TOGARAM1: variants seen among roughly 807,000 people sequenced by gnomAD.
TOGARAM1 encodes TOG array regulator of axonemal microtubules 1.
Under a neutral mutation model 166.6 loss-of-function variants are expected in TOGARAM1, and 100 were observed. The ratio of observed to expected loss-of-function variants is 0.60; its 90% CI spans 0.51 to 0.71. The LOEUF (loss-of-function observed/expected upper bound fraction) is 0.71, where lower values mean the gene tolerates loss of function less well. Ranked by LOEUF, TOGARAM1 falls within the 30% of genes least tolerant of loss-of-function variation. The pLI is 0.00. For missense variants in TOGARAM1, 2,029 were observed against 2,102.7 expected (o/e 0.96, Z 0.69); for synonymous variants, 758 against 763.8 (o/e 0.99, Z 0.13).
At chr14:44,979,297 G>A (rs1202689718) in intron 1 of TOGARAM1, among the ~76,000 whole-genome samples, 1 of 152,158 alleles carries the variant, frequency 6.6e-6, no homozygotes, top group Non-Finnish European at 1.5e-5. Flanking sequence ...TCTGGGGACT[G>A]GGAAATCCAA....
At chr14:45,030,985 A>G (rs955628989) in intron 10 of TOGARAM1, among the ~76,000 whole-genome samples, 1 of 152,174 alleles carries the variant, frequency 6.6e-6, no homozygotes, top group Non-Finnish European at 1.5e-5. Context: ...ATTTATCCCA[A>G]GGTCTGGTGT....
At chr14:44,979,866 A>G (rs1886433876) in intron 1 of TOGARAM1, among the ~76,000 whole-genome samples, 1 of 152,186 alleles carries the variant, frequency 6.6e-6, no homozygotes, top group South Asian at 2.1e-4. Context: ...GGTAAAATGC[A>G]TTCCTGGCAA....
chr14:45,011,759 G>A, intron 6 of TOGARAM1: 1 of 402,952 alleles, frequency 2.5e-6, no homozygotes, highest in East Asian at 3.8e-5. Context: ...TAGTCCAAAA[G>A]GTGAACTAAG....
At chr14:45,031,519 A>G (rs1881153799) in intron 10 of TOGARAM1, among the ~76,000 whole-genome samples, 1 of 152,200 alleles carries the variant, frequency 6.6e-6, no homozygotes, top group African/African-American at 2.4e-5. Context: ...CTACATACAG[A>G]TGCCATGAAC....
intron 18 of TOGARAM1, among the ~76,000 whole-genome samples, chr14:45,070,542 TCTC>T (rs1430311574): frequency 2.6e-5 from 4 of 152,216 alleles, no homozygotes; most frequent in African/African-American, 9.6e-5. Flanking sequence ...TTTTCTTCTC[TCTC>T]CTAATATTTT....
At position 45,004,120 on chromosome 14, in the gene TOGARAM1, T is replaced by C. The variant is rs775956620; in HGVS notation, c.2398T>C (p.Cys800Arg). ...GCAAACATTTGGTAGTCAAACAGAG[T>C]GTACTTCCTCAAATGGTCAAAATCC... is the stretch of plus-strand genomic sequence containing the variant. ...TQQTFGSQTECTSSNGQNPSP... is the reference protein window; with the variant it reads ...TQQTFGSQTERTSSNGQNPSP... The change falls in exon 4 of 20, where the codon TGT becomes CGT. Residue 800 changes from cysteine to arginine, a missense_variant. This residue lies in a region of TOGARAM1 where 1,453 missense variants were observed against 1,432.2 expected (regional missense o/e 1.01). Transcript: ENST00000361462. 7.4e-6 allele frequency: 12 copies of C among 1,614,088 alleles called. No individual in the cohort carries two copies. Among genetic ancestry groups the C allele is most frequent in the Non-Finnish European group, 1.0e-5 (12 of 1,180,002 alleles).
At chr14:44,989,758 C>G (rs1165894565) in intron 1 of TOGARAM1, among the ~76,000 whole-genome samples, 2 of 152,162 alleles carry the variant, frequency 1.3e-5, no homozygotes, top group South Asian at 2.1e-4. Flanking sequence ...ACCTCACTAC[C>G]TCAGTACCAA....
chr14:45,051,401 A>G (rs566146532), intron 14 of TOGARAM1, among the ~76,000 whole-genome samples: 10 of 152,200 alleles, frequency 6.6e-5, no homozygotes, highest in African/African-American at 2.2e-4. Context: ...GATGGAGGAA[A>G]ACTTCACAAT....
At chr14:45,047,293 G>A (rs922385424) in intron 14 of TOGARAM1, among the ~76,000 whole-genome samples, 1 of 151,828 alleles carries the variant, frequency 6.6e-6, no homozygotes, top group Admixed American at 6.6e-5. Flanking sequence ...TCTGGAGGCT[G>A]AGGCAGGAGA....
intron 11 of TOGARAM1, among the ~76,000 whole-genome samples, chr14:45,038,424 A>C (rs544204320): frequency 6.6e-6 from 1 of 152,350 alleles, no homozygotes; most frequent in East Asian, 1.9e-4. Context: ...CGAGGGGTGC[A>C]TGAGCATGGG....
At chr14:45,052,186 T>C (rs1882404257) in intron 14 of TOGARAM1, among the ~76,000 whole-genome samples, 1 of 152,198 alleles carries the variant, frequency 6.6e-6, no homozygotes. Flanking sequence ...TTCCACAGAA[T>C]CATATCTCTT....
At chr14:44,987,805 C>T (rs535067261) in intron 1 of TOGARAM1, among the ~76,000 whole-genome samples, 28 of 148,098 alleles carry the variant, frequency 1.9e-4, no homozygotes, top group African/African-American at 5.5e-4. Context: ...CACATGCACA[C>T]GTATGTTTAT....
Position 44,999,496 on chromosome 14 carries a change from A to G in TOGARAM1, c.2337A>G (p.Lys779=). The change falls in exon 3 of 20, where the codon AAA becomes AAG. Residue 779 remains lysine, a splice_region_variant and synonymous_variant. Coordinates refer to ENST00000361462, the MANE Select transcript of TOGARAM1 (RefSeq NM_001308120.2). ...FLGTTSSHQE[K]VYASLNFGSK... ...GGACAACTAGCAGTCATCAAGAAAA[A>G]GGTATAAGTTCCAAATTTACTTGGA... The G allele has an allele frequency of 6.3e-7, 1 of 1,596,760 alleles. No homozygotes were observed.
At chr14:45,029,752 A>G (rs1881052244) in intron 10 of TOGARAM1, among the ~76,000 whole-genome samples, 1 of 152,170 alleles carries the variant, frequency 6.6e-6, no homozygotes, top group Admixed American at 6.5e-5. Flanking sequence ...TAACAATTTG[A>G]CAATGCCACA....
At chr14:45,016,367 G>A (rs1456741646) in intron 7 of TOGARAM1, among the ~76,000 whole-genome samples, 2 of 152,188 alleles carry the variant, frequency 1.3e-5, no homozygotes, top group Non-Finnish European at 2.9e-5. Flanking sequence ...CTGCACTCCA[G>A]CCTGGGGAGA....
rs967040998 is a variant in TOGARAM1 at position 44,982,000 on chromosome 14, G to A, written c.2047-13746G>A. Among the ~76,000 whole-genome samples the A allele has an allele frequency of 7.9e-5, 12 of 151,968 alleles. No individual in the cohort carries two copies. The East Asian group carries it at 2.1e-3, about 27-fold the overall frequency. On this transcript the variant is annotated intron_variant, in intron 1 of 19. Transcript: ENST00000361462. ...TGGGATTACAGGGGCACGCCACCAC[G>A]CCTAGCTAATTTTTGTATTTTCAGT...
chr14:44,963,926 C>T lies in TOGARAM1; in HGVS notation c.1505C>T (p.Pro502Leu). The T allele has an allele frequency of 6.2e-7, 1 of 1,613,968 alleles. No homozygotes were observed. Among genetic ancestry groups the T allele is most frequent in the Non-Finnish European group, 8.5e-7 (1 of 1,179,856 alleles). The change falls in exon 1 of 20, where the codon CCT becomes CTT. Residue 502 changes from proline (P) to leucine (L), a missense_variant. Coordinates refer to ENST00000361462, the MANE Select transcript of TOGARAM1 (RefSeq NM_001308120.2). ...NICICSLLTY[P>L]SEDFDLPKLS... Reference sequence around the variant, plus strand: ...TGCATCTGCTCCCTGCTGACCTATCCTAGTGAGGATTTTGACTTGCCCAAA... The same window carrying T: ...TGCATCTGCTCCCTGCTGACCTATCTTAGTGAGGATTTTGACTTGCCCAAA...
At chr14:44,987,132 C>T (rs992043046) in intron 1 of TOGARAM1, among the ~76,000 whole-genome samples, 7 of 151,744 alleles carry the variant, frequency 4.6e-5, no homozygotes, top group Middle Eastern at 6.8e-3. Context: ...TTAGTAGAGA[C>T]GGGGTTTCAC....
At chr14:45,005,485 G>A (rs1027512180) in intron 4 of TOGARAM1, among the ~76,000 whole-genome samples, 1 of 151,974 alleles carries the variant, frequency 6.6e-6, no homozygotes, top group Non-Finnish European at 1.5e-5. Flanking sequence ...CTGATGGCAC[G>A]TGCCTGTAAT....
Sources: gnomAD v4.1 joint callset for allele counts (sites outside exome capture counted in the v4.1 genomes callset) on GRCh38, gnomAD v4.1.1 for gene constraint, gnomAD v4.1.1 regional missense constraint, MANE v1.5 for transcripts, NCBI Gene and HGNC (gene_info 2026-07-23, HGNC 2026-07-21) for gene names.